Variants in RTN1 observed in about 807,000 individuals in gnomAD.
RTN1 encodes reticulon-1.
Under a neutral mutation model 65.5 loss-of-function variants are expected in RTN1, and 25 were observed. That is an observed-to-expected ratio of 0.38 (90% CI 0.28 to 0.53). The LOEUF (loss-of-function observed/expected upper bound fraction) is 0.53. Among genes scored for constraint, RTN1 ranks in the 20% least tolerant of loss-of-function variants. RTN1 has a pLI of 0.79. For missense variants in RTN1, 983 were observed against 1,025.4 expected, an observed-to-expected ratio of 0.96 and a Z score of 0.57; for synonymous variants, 471 against 447.6, an observed-to-expected ratio of 1.05 and a Z score of -0.66.
chr14:59,681,381 C>T (rs1883742035), intron 3 of RTN1, among the ~76,000 whole-genome samples: 1 of 152,130 alleles, frequency 6.6e-6, no homozygotes, highest in South Asian at 2.1e-4. Context: ...CATTCTGAAT[C>T]TTAAAAAATG....
At chr14:59,648,078 A>G (rs750461423) in intron 3 of RTN1, among the ~76,000 whole-genome samples, 12 of 152,190 alleles carry the variant, frequency 7.9e-5, no homozygotes, top group Non-Finnish European at 1.6e-4. Context: ...CCAAATAAAC[A>G]CAATCAGAAA....
intron 3 of RTN1, among the ~76,000 whole-genome samples, chr14:59,703,419 A>C (rs1884222480): frequency 6.6e-6 from 1 of 152,094 alleles, no homozygotes; most frequent in Admixed American, 6.5e-5. Context: ...GGCACCTCCC[A>C]TCTCACTCTC....
chr14:59,646,628 G>A (rs1001156646), intron 3 of RTN1, among the ~76,000 whole-genome samples: 1 of 152,044 alleles, frequency 6.6e-6, no homozygotes, highest in African/African-American at 2.4e-5. Context: ...AGAGATTGGG[G>A]GCCTATATTC....
Position 59,758,174 on chromosome 14 carries a change from T to C in RTN1, c.242-11693A>G, listed in dbSNP as rs73313754. ...GCTTTCTTTCCATTCCATGGTTACCTCCCTAGACAGACACTTACCACCTTC... is the reference window on the plus strand; with the variant it reads ...GCTTTCTTTCCATTCCATGGTTACCCCCCTAGACAGACACTTACCACCTTC... On this transcript the variant is annotated intron_variant, in intron 1 of 8. Coordinates refer to ENST00000267484, the MANE Select transcript of RTN1 (RefSeq NM_021136.3). Among the ~76,000 whole-genome samples the C allele has an allele frequency of 2.9e-3, 449 of 152,242 alleles. 3 individuals are homozygous for C. The highest frequency in any genetic ancestry group is 0.011 in the African/African-American group (439 of 41,546).
At chr14:59,641,363 T>C (rs747042910) in intron 3 of RTN1, among the ~76,000 whole-genome samples, 4 of 152,118 alleles carry the variant, frequency 2.6e-5, no homozygotes, top group Non-Finnish European at 5.9e-5. Context: ...GGACATTTTA[T>C]TTATTTATTT....
At chr14:59,630,705 G>C in intron 3 of RTN1, 5 of 1,147,286 alleles carry the variant, frequency 4.4e-6, no homozygotes, top group Non-Finnish European at 3.2e-6. Flanking sequence ...GAATCAGCGC[G>C]GCGCGGCCCC....
chr14:59,683,583 A>C (rs1883786162), intron 3 of RTN1, among the ~76,000 whole-genome samples: 1 of 152,082 alleles, frequency 6.6e-6, no homozygotes, highest in Non-Finnish European at 1.5e-5. Context: ...ACTTCTGAAA[A>C]CTTTCTTTGT....
At chr14:59,603,037 C>T in intron 8 of RTN1, 28 bp downstream of exon 8, 1 of 1,597,434 alleles carries the variant, frequency 6.3e-7, no homozygotes, top group Non-Finnish European at 8.6e-7. Context: ...AGAGTCTCTC[C>T]TTTTATGCAT....
chr14:59,692,202 C>T (rs1883976279), intron 3 of RTN1, among the ~76,000 whole-genome samples: 1 of 152,188 alleles, frequency 6.6e-6, no homozygotes, highest in African/African-American at 2.4e-5. Context: ...TGCCAAAAGA[C>T]TTCTGGAACT....
At position 59,790,794 on chromosome 14, in the gene RTN1, T is replaced by C. The variant is rs568727807; in HGVS notation, c.242-44313A>G. 3.7e-4 allele frequency among the ~76,000 whole-genome samples: 57 copies of C among 152,282 alleles called. No individual in the cohort carries two copies. Among genetic ancestry groups the C allele is most frequent in the African/African-American group, 1.3e-3 (55 of 41,566 alleles). ...CTTTGGCTGTATCATCTTTGAGTTT[T>C]GTATCTATTGCCTTCTGATGTTTAA... On this transcript the variant is annotated intron_variant, in intron 1 of 8. Transcript: ENST00000267484. This position sits in a 1 kb window ranked among gnomAD's most constrained non-coding sequence, Gnocchi z 4.1.
intron 1 of RTN1, among the ~76,000 whole-genome samples, chr14:59,837,699 T>C (rs913682935): frequency 2.0e-5 from 3 of 152,042 alleles, no homozygotes; most frequent in Non-Finnish European, 2.9e-5. Flanking sequence ...AATTAAATAA[T>C]ATGTTTTTGA....
intron 3 of RTN1, among the ~76,000 whole-genome samples, chr14:59,654,254 C>T (rs1164503406): frequency 2.0e-5 from 3 of 151,856 alleles, no homozygotes; most frequent in Admixed American, 6.6e-5. Flanking sequence ...GGCGAAACCC[C>T]GTCTCTACTA....
At chr14:59,630,964 T>G (rs933349598) in intron 3 of RTN1, 26 of 471,944 alleles carry the variant, frequency 5.5e-5, no homozygotes, top group Non-Finnish European at 6.9e-5. Flanking sequence ...TAGAAATTTC[T>G]GAGAAACCCA....
rs1460061723 is a variant in RTN1 at position 59,749,242 on chromosome 14, ATATATC to A, written c.242-2767_242-2762del. Among the ~76,000 whole-genome samples the A allele has an allele frequency of 2.6e-4, 15 of 56,898 alleles. 2 individuals carry two copies. The highest frequency in any genetic ancestry group is 1.1e-3 in the African/African-American group (12 of 11,138). 37.3% of individuals were successfully genotyped at this position (56,898 alleles called of 152,430 possible). A position where few individuals can be genotyped will look rare whatever the true frequency, so the allele number is the denominator to read the frequency against. On this transcript the variant is annotated intron_variant, in intron 1 of 8. Coordinates refer to ENST00000267484, the MANE Select transcript of RTN1 (RefSeq NM_021136.3). ...TATCTATATATCTATATATATCTAT[ATATATC>A]TATATATCTATATATATCTATATAT...
intron 4 of RTN1, chr14:59,606,125 T>TATATAAAATATATATATAA (rs1345665820): frequency 9.0e-6 from 1 of 111,466 alleles, no homozygotes; most frequent in African/African-American, 3.8e-5. Flanking sequence ...TATATATATA[T>TATATAAAATATATATATAA]ATCATACCAG....
intron 3 of RTN1, among the ~76,000 whole-genome samples, chr14:59,622,714 T>G (rs540740257): frequency 5.3e-5 from 8 of 152,364 alleles, no homozygotes; most frequent in Admixed American, 4.6e-4. Flanking sequence ...CAGAAGTAGA[T>G]GTAAACATAG....
At chr14:59,624,925 T>C (rs190501910) in intron 3 of RTN1, among the ~76,000 whole-genome samples, 40 of 152,366 alleles carry the variant, frequency 2.6e-4, no homozygotes, top group Admixed American at 1.1e-3. Context: ...GCCCAACTCA[T>C]AATAGATCTG....
At chr14:59,815,019 T>C (rs1446461930) in intron 1 of RTN1, among the ~76,000 whole-genome samples, 1 of 152,246 alleles carries the variant, frequency 6.6e-6, no homozygotes, top group African/African-American at 2.4e-5. Flanking sequence ...AGCTATTTTA[T>C]ATTGCTCAAG....
chr14:59,840,223 G>T lies in RTN1; in HGVS notation c.241+30167C>A, dbSNP rs542770286. ...CAGACTTTTATTGATAGTGAAGTTG[G>T]ATGTTGGTGAGCTCACTAGCCACTG... On this transcript the variant is annotated intron_variant, in intron 1 of 8. Coordinates refer to ENST00000267484, the MANE Select transcript of RTN1 (RefSeq NM_021136.3). Among the ~76,000 whole-genome samples the T allele has an allele frequency of 2.6e-5, 4 of 152,224 alleles. No homozygotes were observed. The South Asian group carries it at 8.3e-4, about 32-fold the overall frequency.
Sources: allele counts gnomAD v4.1 joint callset (sites outside exome capture counted in the v4.1 genomes callset), GRCh38; gene constraint gnomAD v4.1.1; non-coding constraint Gnocchi (gnomAD v3.1); transcripts MANE v1.5; gene names NCBI Gene and HGNC (gene_info 2026-07-23, HGNC 2026-07-21).